The following ARHGEF10L variants were observed in gnomAD, a reference collection of about 807,000 sequenced individuals.
The protein encoded by ARHGEF10L is Rho guanine nucleotide exchange factor 10 like, also known as rho guanine nucleotide exchange factor 10-like protein.
In ARHGEF10L, 69 loss-of-function variants were observed where a neutral mutation model predicts 141.2. That is an observed-to-expected ratio of 0.49 (90% CI 0.40 to 0.60). The LOEUF (loss-of-function observed/expected upper bound fraction) is 0.60, where lower values mean the gene tolerates loss of function less well. ARHGEF10L is among the 20% of genes least tolerant of loss of function. The pLI is 0.00. For synonymous variants in ARHGEF10L, 711 were observed against 718.5 expected (o/e 0.99, Z 0.17); for missense variants, 1,482 against 1,734.3 (o/e 0.85, Z 2.58).
chr1:17,546,634 A>T, intron 1 of ARHGEF10L, among the ~76,000 whole-genome samples: 1 of 151,908 alleles, frequency 6.6e-6, no homozygotes, highest in East Asian at 1.9e-4. Context: ...GAGGGGAGGG[A>T]GAGATTCATC....
At position 17,623,142 on chromosome 1, in the gene ARHGEF10L, C is replaced by T. The variant is rs762962162; in HGVS notation, c.1167C>T (p.Ser389=). The T allele has an allele frequency of 6.2e-7, 1 of 1,613,824 alleles. No individual in the cohort carries two copies. Among genetic ancestry groups the T allele is most frequent in the Non-Finnish European group, 8.5e-7 (1 of 1,179,890 alleles). The part of the protein sequence containing the change: ...ALSSRVAEWD[S]TEKIGDLFVA... Reference sequence around the variant, plus strand: ...CCTCCCGCGTGGCTGAGTGGGATTCCACCGAGAAGATCGGGGACCTCTTCG... The same window carrying T: ...CCTCCCGCGTGGCTGAGTGGGATTCTACCGAGAAGATCGGGGACCTCTTCG... Residue 389 remains serine (S), a synonymous_variant, in exon 12 of 29, where the codon TCC becomes TCT. Coordinates refer to ENST00000361221, the MANE Select transcript of ARHGEF10L (RefSeq NM_018125.4). This position sits in a 1 kb window ranked among gnomAD's most constrained non-coding sequence, Gnocchi z 4.7.
chr1:17,570,285 C>T (rs1290029647), intron 1 of ARHGEF10L, among the ~76,000 whole-genome samples: 1 of 152,182 alleles, frequency 6.6e-6, no homozygotes, highest in African/African-American at 2.4e-5. Context: ...GGTGTTAAAT[C>T]CTGTGAGGAT....
chr1:17,514,125 CTTTTTTTTTT>C, the ARHGEF10L span, among the ~76,000 whole-genome samples: 21 of 40,480 alleles, frequency 5.2e-4, no homozygotes, highest in East Asian at 7.0e-3. Flanking sequence ...CACCCAGCCT[CTTTTTTTTTT>C]TTTTTTTTTT....
At chr1:17,550,312 G>A (rs1393640821) in intron 1 of ARHGEF10L, among the ~76,000 whole-genome samples, 1 of 152,188 alleles carries the variant, frequency 6.6e-6, no homozygotes, top group Admixed American at 6.5e-5. Context: ...CAAGGGTTAG[G>A]TTTGGGGCAG....
intron 1 of ARHGEF10L, among the ~76,000 whole-genome samples, chr1:17,550,650 G>GGA (rs539838317): frequency 1.4e-5 from 2 of 143,538 alleles, no homozygotes; most frequent in African/African-American, 5.1e-5. Flanking sequence ...TCTCAAAAAC[G>GGA]AAAAAAAAAA....
chr1:17,600,068 G>C (rs1396825156), intron 4 of ARHGEF10L, among the ~76,000 whole-genome samples: 1 of 152,326 alleles, frequency 6.6e-6, no homozygotes, highest in East Asian at 1.9e-4. Context: ...TTGGGAGCTA[G>C]ACAAGCTGGC....
chr1:17,541,433 T>C (rs2076724331), intron 1 of ARHGEF10L, among the ~76,000 whole-genome samples: 1 of 152,220 alleles, frequency 6.6e-6, no homozygotes, highest in Non-Finnish European at 1.5e-5. Context: ...TAAATGAATG[T>C]CCAATAACTA....
At chr1:17,636,412 A>T (rs1571142407) in intron 18 of ARHGEF10L, among the ~76,000 whole-genome samples, 1 of 152,360 alleles carries the variant, frequency 6.6e-6, no homozygotes, top group East Asian at 1.9e-4. Flanking sequence ...TCACAAATTG[A>T]ATAAAAATAA....
Position 17,607,883 on chromosome 1 carries a change from G to A in ARHGEF10L, c.515G>A (p.Ser172Asn). ...GCGGAGGACCTAGGCTGGAGCTCCA[G>A]TGAGTTCGAGAGCTACAGCGAGGAC... ...RQAEDLGWSSSEFESYSEDSG... is the reference protein window; with the variant it reads ...RQAEDLGWSSNEFESYSEDSG... The change falls in exon 7 of 29, where the codon AGT becomes AAT. Residue 172 changes from serine (S) to asparagine (N), a missense_variant. Transcript: ENST00000361221. This position sits in a 1 kb window ranked among gnomAD's most constrained non-coding sequence, Gnocchi z 4.5. 1.3e-6 allele frequency: 2 copies of A among 1,578,366 alleles called. No individual in the cohort carries two copies. Among genetic ancestry groups the A allele is most frequent in the Non-Finnish European group, 1.7e-6 (2 of 1,164,652 alleles).
intron 14 of ARHGEF10L, among the ~76,000 whole-genome samples, chr1:17,626,681 A>G (rs2060404162): frequency 6.6e-6 from 1 of 152,210 alleles, no homozygotes; most frequent in African/African-American, 2.4e-5. Flanking sequence ...GTGCATTCAC[A>G]TTGTTCTGCA....
intron 2 of ARHGEF10L, among the ~76,000 whole-genome samples, chr1:17,583,282 C>T (rs140424910): frequency 2.0e-4 from 30 of 151,520 alleles, no homozygotes; most frequent in Non-Finnish European, 3.5e-4. Context: ...TGCCTGAGGC[C>T]GGGTCTTGCC....
At position 17,603,048 on chromosome 1, in the gene ARHGEF10L, G is replaced by T. The variant is rs2080840120; in HGVS notation, c.350-460G>T. On this transcript the variant is annotated intron_variant, in intron 5 of 28. Transcript: ENST00000361221. The surrounding 1 kb of genome is among the most constrained non-coding windows in gnomAD (Gnocchi z 4.8). ...AGCATCACAGGCCAGTGGGTCTCGT[G>T]ACTTCTTCCTGGAAGGCCTGTGGGT... Among the ~76,000 whole-genome samples the T allele has an allele frequency of 6.6e-6, 1 of 151,842 alleles. No homozygotes were observed. Among genetic ancestry groups the T allele is most frequent in the South Asian group, 2.1e-4 (1 of 4,808 alleles).
At chr1:17,563,388 C>T (rs1164078432) in intron 1 of ARHGEF10L, among the ~76,000 whole-genome samples, 2 of 152,148 alleles carry the variant, frequency 1.3e-5, no homozygotes, top group Admixed American at 1.3e-4. Context: ...GCGTGTACCA[C>T]CATGCCTGGC....
At chr1:17,584,857 GCACACACA>G (rs140219740) in intron 2 of ARHGEF10L, among the ~76,000 whole-genome samples, 1 of 140,986 alleles carries the variant, frequency 7.1e-6, no homozygotes, top group Non-Finnish European at 1.5e-5. Flanking sequence ...ACGTGTGCGT[GCACACACA>G]CACACACACA....
chr1:17,541,257 T>C (rs1043790924), intron 1 of ARHGEF10L, among the ~76,000 whole-genome samples: 4 of 152,126 alleles, frequency 2.6e-5, no homozygotes, highest in African/African-American at 9.7e-5. Context: ...AGCTACTTCC[T>C]CTCCAGTGAG....
At chr1:17,629,305 G>T (rs2060551915) in intron 15 of ARHGEF10L, among the ~76,000 whole-genome samples, 1 of 152,134 alleles carries the variant, frequency 6.6e-6, no homozygotes, top group Admixed American at 6.5e-5. Context: ...GGGATCACAG[G>T]CATGAGCCAC....
intron 4 of ARHGEF10L, among the ~76,000 whole-genome samples, chr1:17,591,733 A>C (rs867160003): frequency 6.7e-6 from 1 of 148,802 alleles, no homozygotes; most frequent in South Asian, 2.1e-4. Flanking sequence ...TTTTTTGTAG[A>C]GATGGAGATC....
chr1:17,602,582 G>C (rs1027908212), intron 5 of ARHGEF10L, among the ~76,000 whole-genome samples: 29 of 152,200 alleles, frequency 1.9e-4, no homozygotes, highest in Non-Finnish European at 1.5e-5. Context: ...AGGCAGCAGG[G>C]GTGGGGGAAA....
At chr1:17,517,380 A>T in the ARHGEF10L span, among the ~76,000 whole-genome samples, 1 of 152,104 alleles carries the variant, frequency 6.6e-6, no homozygotes, top group Non-Finnish European at 1.5e-5. Context: ...CCCAGGCTGG[A>T]GTGCGCAGTG....
Sources: allele counts gnomAD v4.1 joint callset (sites outside exome capture counted in the v4.1 genomes callset), GRCh38; gene constraint gnomAD v4.1.1; non-coding constraint Gnocchi (gnomAD v3.1); transcripts MANE v1.5; gene names NCBI Gene and HGNC (gene_info 2026-07-23, HGNC 2026-07-21).